NLGN1: variants seen among roughly 807,000 people sequenced by gnomAD.
The protein encoded by NLGN1 is neuroligin-1.
Under a neutral mutation model 65.5 loss-of-function variants are expected in NLGN1, and 12 were observed. That is an observed-to-expected ratio of 0.18 (90% CI 0.12 to 0.30). NLGN1 has a LOEUF of 0.30. Ranked by LOEUF, NLGN1 falls within the 10% of genes least tolerant of loss-of-function variation. The pLI is 1.00. For missense variants in NLGN1, 750 were observed against 1,007.1 expected (o/e 0.74, Z 3.46); for synonymous variants, 350 against 359.5 (o/e 0.97, Z 0.30).
intron 3 of NLGN1, among the ~76,000 whole-genome samples, chr3:173,781,442 T>C (rs1485753009): frequency 6.6e-6 from 1 of 152,166 alleles, no homozygotes; most frequent in Non-Finnish European, 1.5e-5. Flanking sequence ...TTAGTAAATA[T>C]AAAAAAATTG....
chr3:173,516,194 C>T (rs1733783843), intron 2 of NLGN1, among the ~76,000 whole-genome samples: 1 of 151,886 alleles, frequency 6.6e-6, no homozygotes, highest in South Asian at 2.1e-4. Context: ...TAATGGAGCA[C>T]ATAATATTAA....
At chr3:173,531,859 C>G (rs1736629710) in intron 2 of NLGN1, among the ~76,000 whole-genome samples, 1 of 152,088 alleles carries the variant, frequency 6.6e-6, no homozygotes, top group Non-Finnish European at 1.5e-5. Flanking sequence ...CCACTCATCT[C>G]CTTGTAAAAT....
chr3:174,086,283 A>AC (rs1561007949), intron 4 of NLGN1, among the ~76,000 whole-genome samples: 158 of 1,618 alleles, frequency 0.098, 12 homozygotes, highest in African/African-American at 0.11. Flanking sequence ...GTATGTGCAT[A>AC]AATATATATA....
chr3:174,255,674 T>TA (rs71162384), intron 4 of NLGN1, among the ~76,000 whole-genome samples: 2 of 146,724 alleles, frequency 1.4e-5, no homozygotes, highest in African/African-American at 2.5e-5. Context: ...TTTATTTATT[T>TA]TTGAGATAGG....
At chr3:173,635,398 A>G (rs1292784801) in intron 3 of NLGN1, among the ~76,000 whole-genome samples, 1 of 152,202 alleles carries the variant, frequency 6.6e-6, no homozygotes, top group South Asian at 2.1e-4. Flanking sequence ...GAATTACTGT[A>G]TAATGGCAAT....
At chr3:174,132,364 C>G (rs1577033315) in intron 4 of NLGN1, among the ~76,000 whole-genome samples, 1 of 152,290 alleles carries the variant, frequency 6.6e-6, no homozygotes, top group South Asian at 2.1e-4. Context: ...AAACCCATCT[C>G]CGAAAGGTAG....
At chr3:173,981,420 C>T (rs571199359) in intron 4 of NLGN1, among the ~76,000 whole-genome samples, 15 of 152,122 alleles carry the variant, frequency 9.9e-5, no homozygotes, top group African/African-American at 2.4e-4. Context: ...AATAAATTTC[C>T]GTATGAAGTT....
At chr3:173,632,676 C>G (rs1002248105) in intron 3 of NLGN1, among the ~76,000 whole-genome samples, 3 of 152,038 alleles carry the variant, frequency 2.0e-5, no homozygotes, top group African/African-American at 7.2e-5. Context: ...TTGAAAATCT[C>G]AAAGGGACAG....
chr3:173,731,876 A>G (rs1470268158), intron 3 of NLGN1, among the ~76,000 whole-genome samples: 1 of 152,064 alleles, frequency 6.6e-6, no homozygotes. Context: ...CATTTTTTGT[A>G]AAGAACAATA....
intron 4 of NLGN1, among the ~76,000 whole-genome samples, chr3:173,980,057 T>G (rs985794366): frequency 6.6e-6 from 1 of 152,106 alleles, no homozygotes; most frequent in Non-Finnish European, 1.5e-5. Flanking sequence ...AGTAGCATGG[T>G]GTTTCCCTTG....
chr3:174,042,443 A>G (rs951713847), intron 4 of NLGN1, among the ~76,000 whole-genome samples: 1 of 152,188 alleles, frequency 6.6e-6, no homozygotes, highest in African/African-American at 2.4e-5. Flanking sequence ...TCTAATGATT[A>G]GACTACCCTT....
At chr3:173,494,152 C>T (rs35438269) in intron 2 of NLGN1, among the ~76,000 whole-genome samples, 1 of 115,648 alleles carries the variant, frequency 8.6e-6, no homozygotes, top group East Asian at 3.3e-4. Context: ...TGTGTGTGCG[C>T]GTGCATGTGC....
At chr3:173,714,593 A>T (rs2149966222) in intron 3 of NLGN1, among the ~76,000 whole-genome samples, 1 of 152,234 alleles carries the variant, frequency 6.6e-6, no homozygotes, top group Non-Finnish European at 1.5e-5. Context: ...TAGAGCAGCA[A>T]GTTAAGGGGA....
intron 4 of NLGN1, among the ~76,000 whole-genome samples, chr3:174,047,555 C>G (rs1201574376): frequency 6.6e-6 from 1 of 151,984 alleles, no homozygotes; most frequent in African/African-American, 2.4e-5. Flanking sequence ...GGAGATTTTA[C>G]AGTCTGATAG....
intron 4 of NLGN1, among the ~76,000 whole-genome samples, chr3:174,089,821 A>G (rs1174252392): frequency 3.3e-5 from 5 of 152,062 alleles, no homozygotes; most frequent in Admixed American, 6.5e-5. Context: ...CAGAATTTCT[A>G]TGGCAAATTC....
chr3:173,664,230 CA>C (rs1761384577), intron 3 of NLGN1, among the ~76,000 whole-genome samples: 1 of 151,918 alleles, frequency 6.6e-6, no homozygotes, highest in South Asian at 2.1e-4. Flanking sequence ...AAATATTTAT[CA>C]GTACATTTTA....
At chr3:174,182,741 G>T (rs1730687230) in intron 4 of NLGN1, among the ~76,000 whole-genome samples, 1 of 152,132 alleles carries the variant, frequency 6.6e-6, no homozygotes, top group Non-Finnish European at 1.5e-5. Flanking sequence ...CCATGTAAGA[G>T]AAGAATGGAC....
chr3:174,271,726 G>C (rs1435543657), intron 4 of NLGN1, among the ~76,000 whole-genome samples: 1 of 151,692 alleles, frequency 6.6e-6, no homozygotes, highest in Non-Finnish European at 1.5e-5. Context: ...ACCACAAATG[G>C]ACATGTTTTT....
intron 4 of NLGN1, among the ~76,000 whole-genome samples, chr3:174,274,242 A>ATATT (rs999314265): frequency 1.3e-5 from 2 of 151,840 alleles, no homozygotes; most frequent in African/African-American, 4.8e-5. Context: ...ATTTTCATTT[A>ATATT]TATTAAATGC....
Sources: gnomAD v4.1 joint callset for allele counts (sites outside exome capture counted in the v4.1 genomes callset) on GRCh38, gnomAD v4.1.1 for gene constraint, MANE v1.5 for transcripts, NCBI Gene and HGNC (gene_info 2026-07-23, HGNC 2026-07-21) for gene names.